IL16: variants seen among roughly 807,000 people sequenced by gnomAD.
The protein encoded by IL16 is interleukin 16.
In IL16, 67 loss-of-function variants were observed where a neutral mutation model predicts 110.1. That is an observed-to-expected ratio of 0.61 (90% CI 0.50 to 0.75). IL16 has a LOEUF of 0.75. Among genes scored for constraint, IL16 ranks in the 30% least tolerant of loss-of-function variants. IL16 has a pLI of 0.00. For synonymous variants in IL16, 689 were observed against 662.9 expected, an observed-to-expected ratio of 1.04 and a Z score of -0.61; for missense variants, 1,545 against 1,655.0, an observed-to-expected ratio of 0.93 and a Z score of 1.15.
Position 81,285,746 on chromosome 15 carries a change from G to A in IL16, c.1248G>A (p.Leu416=). Residue 416 remains leucine (L), a synonymous_variant, in exon 10 of 19, where the codon CTG becomes CTA. Transcript: ENST00000683961. ...TCAGTGATTCCCCTGTGCACTGCCT[G>A]ACGCTCAATGAAGTCTACACGATCC... ...VEISDSPVHC[L]TLNEVYTILS... 1 of 1,614,130 alleles carries A rather than the reference G, an allele frequency of 6.2e-7. No homozygotes were observed. Among genetic ancestry groups the A allele is most frequent in the African/African-American group, 1.3e-5 (1 of 75,044 alleles).
In IL16 at chr15:81,306,492, G is replaced by GGAAGGGCTC. The variant is rs776654531; in HGVS notation, c.3753_3761dup (p.Lys1252_Ser1254dup). On this transcript the variant is annotated inframe_insertion, in exon 18 of 19. Coordinates refer to ENST00000683961, the MANE Select transcript of IL16 (RefSeq NM_172217.5). The stretch of plus-strand genomic sequence containing the variant: ...GGGCTGGGCTTCAGCCTGGAAGGAG[G>GGAAGGGCTC]GAAGGGCTCCCTACACGGAGACAAG... 1 of 1,613,336 alleles carries GGAAGGGCTC rather than the reference G, an allele frequency of 6.2e-7. No individual in the cohort carries two copies. Among genetic ancestry groups the GGAAGGGCTC allele is most frequent in the Non-Finnish European group, 8.5e-7 (1 of 1,179,854 alleles).
intron 9 of IL16, among the ~76,000 whole-genome samples, chr15:81,284,196 A>C (rs1034941483): frequency 6.6e-6 from 1 of 152,236 alleles, no homozygotes; most frequent in African/African-American, 2.4e-5. Flanking sequence ...TTAATTTGTT[A>C]CAATACTTTG....
chr15:81,207,249 A>AC (rs1401734371), intron 1 of IL16, among the ~76,000 whole-genome samples: 26 of 80,316 alleles, frequency 3.2e-4, no homozygotes, highest in African/African-American at 3.2e-3. Context: ...AAAAAAACAA[A>AC]AAAAAAAAAA....
intron 1 of IL16, chr15:81,183,024 A>AGT (rs143794664): frequency 8.4e-6 from 4 of 475,478 alleles, no homozygotes; most frequent in Non-Finnish European, 1.5e-5. Flanking sequence ...TATATGAGTG[A>AGT]GTGTGTGTGT....
At chr15:81,265,522 A>G in intron 3 of IL16, 137 bp from the exon 4 acceptor site, 2 of 893,304 alleles carry the variant, frequency 2.2e-6, no homozygotes, top group South Asian at 3.4e-5. Flanking sequence ...TCTCCCCACC[A>G]CGCACCTGGC....
chr15:81,265,869 A>T, intron 4 of IL16, 68 bp downstream of exon 4: 1 of 1,473,508 alleles, frequency 6.8e-7, no homozygotes, highest in Non-Finnish European at 9.2e-7. Context: ...CCCAACATTA[A>T]CAGTGGCTGA....
intron 12 of IL16, 49 bp from the exon 13 acceptor site, chr15:81,296,879 G>GC (rs769722381): frequency 1.3e-6 from 2 of 1,530,174 alleles, no homozygotes; most frequent in Non-Finnish European, 1.8e-6. Flanking sequence ...CCTTCTCACA[G>GC]CTTGAGGCTA....
intron 8 of IL16, 31 bp downstream of exon 8, chr15:81,279,805 G>T (rs1247769749): frequency 2.5e-6 from 4 of 1,586,990 alleles, no homozygotes; most frequent in South Asian, 1.1e-5. Context: ...TCCCGTGCCT[G>T]GGTCTCCCAG....
At chr15:81,202,870 C>G (rs1043289509) in intron 1 of IL16, among the ~76,000 whole-genome samples, 1 of 150,990 alleles carries the variant, frequency 6.6e-6, no homozygotes, top group Non-Finnish European at 1.5e-5. Flanking sequence ...AAATGGTATT[C>G]CTAGTTCTAG....
At chr15:81,253,114 C>T (rs1309005828) in intron 2 of IL16, among the ~76,000 whole-genome samples, 1 of 152,178 alleles carries the variant, frequency 6.6e-6, no homozygotes, top group Non-Finnish European at 1.5e-5. Flanking sequence ...ATTCCAATTT[C>T]TCATATCCTC....
At chr15:81,295,528 T>A in intron 12 of IL16, 1 of 1,286,146 alleles carries the variant, frequency 7.8e-7, no homozygotes, top group Non-Finnish European at 1.0e-6. Flanking sequence ...CAGGTGAAAT[T>A]AAATTTCATC....
At chr15:81,306,648 A>T (rs756303243) in intron 18 of IL16, 103 bp downstream of exon 18, 5 of 1,386,846 alleles carry the variant, frequency 3.6e-6, no homozygotes, top group South Asian at 1.2e-5. Context: ...GTTTCCCACA[A>T]CTCCATGTCC....
intron 2 of IL16, among the ~76,000 whole-genome samples, chr15:81,240,390 G>A (rs989439884): frequency 6.6e-6 from 1 of 151,856 alleles, no homozygotes; most frequent in East Asian, 1.9e-4. Context: ...GAAATGGTGA[G>A]TCAAAGGGTA....
chr15:81,209,738 A>C (rs1896165761), intron 1 of IL16, among the ~76,000 whole-genome samples: 1 of 151,848 alleles, frequency 6.6e-6, no homozygotes. Context: ...TCACGGGGAC[A>C]CTCTAGTCCA....
chr15:81,223,883 T>C (rs1029448207), intron 1 of IL16, among the ~76,000 whole-genome samples: 2 of 152,290 alleles, frequency 1.3e-5, no homozygotes, highest in Admixed American at 1.3e-4. Flanking sequence ...GATTTGTCTG[T>C]GATTGGAGTT....
At position 81,265,667 on chromosome 15, in the gene IL16, C is replaced by A; in HGVS notation, c.430C>A (p.Pro144Thr). Residue 144 changes from proline (P) to threonine (T), a missense_variant, in exon 4 of 19, where the codon CCC (proline) becomes ACC (threonine). Transcript: ENST00000683961. ...RARSNSTSVN[P>T]YCTREIDFPM... ...TTCCTCTTCTGGTTTAGGTGTTAATCCCTATTGCACAAGAGAAATTGATTT... is the reference window on the plus strand; with the variant it reads ...TTCCTCTTCTGGTTTAGGTGTTAATACCTATTGCACAAGAGAAATTGATTT... The A allele has an allele frequency of 6.2e-7, 1 of 1,613,908 alleles. No homozygotes were observed. The highest frequency in any genetic ancestry group is 8.5e-7 in the Non-Finnish European group (1 of 1,179,926).
chr15:81,190,787 A>G (rs1895487022), intron 1 of IL16, among the ~76,000 whole-genome samples: 1 of 152,208 alleles, frequency 6.6e-6, no homozygotes. Context: ...GGACGGCGAG[A>G]CAAGATGGTG....
intron 5 of IL16, among the ~76,000 whole-genome samples, chr15:81,270,475 C>T (rs1051846801): frequency 1.3e-5 from 2 of 152,184 alleles, no homozygotes; most frequent in African/African-American, 2.4e-5. Context: ...CTCTTTCCCT[C>T]CATCTCCTGT....
chr15:81,272,998 G>C, intron 5 of IL16, 92 bp from the exon 6 acceptor site: 1 of 947,340 alleles, frequency 1.1e-6, no homozygotes. Context: ...CAATCCCTTT[G>C]TTCAGGGCTG....
Sources: allele counts gnomAD v4.1 joint callset (sites outside exome capture counted in the v4.1 genomes callset), GRCh38; gene constraint gnomAD v4.1.1; transcripts MANE v1.5; gene names NCBI Gene and HGNC (gene_info 2026-07-23, HGNC 2026-07-21).